Variants in INSYN2B observed in about 807,000 individuals in gnomAD.
INSYN2B encodes inhibitory synaptic factor family member 2B, also known as protein INSYN2B.
In INSYN2B, 16 loss-of-function variants were observed where a neutral mutation model predicts 41.2. The ratio of observed to expected loss-of-function variants is 0.39; its 90% CI spans 0.26 to 0.59. The LOEUF is 0.59. INSYN2B is among the 20% of genes least tolerant of loss of function. The probability of loss-of-function intolerance (pLI) is 0.57; values close to 1 mark genes in which losing one functional copy is unlikely to be tolerated. For missense variants in INSYN2B, 608 were observed against 646.4 expected, an observed-to-expected ratio of 0.94 and a Z score of 0.64; for synonymous variants, 245 against 244.4, an observed-to-expected ratio of 1.00 and a Z score of -0.02.
At chr5:169,874,032 C>T (rs1012585490) in intron 3 of INSYN2B, among the ~76,000 whole-genome samples, 4 of 152,074 alleles carry the variant, frequency 2.6e-5, no homozygotes, top group Non-Finnish European at 4.4e-5. Flanking sequence ...AAGGGAGGCT[C>T]TTGCAGAGAA....
chr5:169,972,714 A>G (rs1392638067), intron 1 of INSYN2B, among the ~76,000 whole-genome samples: 1 of 152,246 alleles, frequency 6.6e-6, no homozygotes, highest in African/African-American at 2.4e-5. Context: ...CTTACACACA[A>G]TAAGTGCTAA....
rs34833916 is a variant in INSYN2B at position 169,925,579 on chromosome 5, T to TAA, written c.-918-40765_-918-40764dup. Among the ~76,000 whole-genome samples the TAA allele has an allele frequency of 1.3e-3, 101 of 80,256 alleles. 3 individuals are homozygous for TAA. Among genetic ancestry groups the TAA allele is most frequent in the East Asian group, 4.7e-3 (14 of 2,960 alleles). The allele number at this position is 80,256 out of a possible 152,430, so 52.7% of individuals were successfully genotyped here. ...TGGGCGACAGAGCAAGACTCTGTCTTAAAAAAAAAAAAAAAAAAAAAAAAA... is the reference window on the plus strand; with the variant it reads ...TGGGCGACAGAGCAAGACTCTGTCTTAAAAAAAAAAAAAAAAAAAAAAAAAAA... On this transcript the variant is annotated intron_variant, in intron 1 of 3. Coordinates refer to ENST00000377365, the MANE Select transcript of INSYN2B (RefSeq NM_001129891.3).
intron 1 of INSYN2B, among the ~76,000 whole-genome samples, chr5:169,938,662 A>T (rs1295612101): frequency 6.6e-6 from 1 of 152,214 alleles, no homozygotes; most frequent in Non-Finnish European, 1.5e-5. Flanking sequence ...TAGGATGGTT[A>T]CTGTACACTA....
At chr5:169,911,606 C>T (rs926053068) in intron 1 of INSYN2B, among the ~76,000 whole-genome samples, 6 of 152,204 alleles carry the variant, frequency 3.9e-5, no homozygotes, top group East Asian at 1.9e-4. Flanking sequence ...CTTCATTTCA[C>T]GTGGTGCTAA....
intron 1 of INSYN2B, among the ~76,000 whole-genome samples, chr5:169,943,781 A>G (rs181627025): frequency 2.6e-4 from 39 of 152,292 alleles, no homozygotes; most frequent in Admixed American, 1.7e-3. Flanking sequence ...AGTTGACGGT[A>G]GGGTCCAGGG....
intron 3 of INSYN2B, among the ~76,000 whole-genome samples, chr5:169,871,060 C>G (rs1200410832): frequency 6.6e-6 from 1 of 152,140 alleles, no homozygotes; most frequent in Non-Finnish European, 1.5e-5. Flanking sequence ...GGAGAGGGAC[C>G]TCTCTGAGTT....
rs1221721633 is a variant in INSYN2B, at chr5:169,951,009, C to T, written c.-919+29268G>A. On this transcript the variant is annotated intron_variant, in intron 1 of 3. Coordinates refer to ENST00000377365, the MANE Select transcript of INSYN2B (RefSeq NM_001129891.3). ...ATGTAAACATTTAGATTTCCAGCTG[C>T]TCCGAAGTCAGATTAGCCAGCGTCA... 2.0e-5 allele frequency among the ~76,000 whole-genome samples: 3 copies of T among 152,192 alleles called. No individual in the cohort carries two copies. In the East Asian group the frequency reaches 5.8e-4, roughly 29 times the overall value.
intron 1 of INSYN2B, among the ~76,000 whole-genome samples, chr5:169,971,015 A>G (rs1250883181): frequency 6.6e-6 from 1 of 152,120 alleles, no homozygotes; most frequent in Non-Finnish European, 1.5e-5. Flanking sequence ...ACCTGCGTTC[A>G]TGCCAAGCTG....
chr5:169,949,333 G>C (rs1206150179), intron 1 of INSYN2B, among the ~76,000 whole-genome samples: 1 of 152,120 alleles, frequency 6.6e-6, no homozygotes, highest in African/African-American at 2.4e-5. Flanking sequence ...GTAAATAGAG[G>C]CACCTGGGAA....
At chr5:169,894,390 C>T (rs1225736872) in intron 1 of INSYN2B, among the ~76,000 whole-genome samples, 1 of 152,162 alleles carries the variant, frequency 6.6e-6, no homozygotes, top group African/African-American at 2.4e-5. Flanking sequence ...GAAGTACCCC[C>T]TTCTCCTGAC....
rs553454799 is a variant in INSYN2B at position 169,979,116 on chromosome 5, G to C, written c.-919+1161C>G. On this transcript the variant is annotated intron_variant, in intron 1 of 3. Coordinates refer to ENST00000377365, the MANE Select transcript of INSYN2B (RefSeq NM_001129891.3). Reference sequence around the variant, plus strand: ...TTTCTGCCCGGGATGAAAAGAGGGGGATTCTTGCTAGCCTGGAGACTGCAA... The same window carrying C: ...TTTCTGCCCGGGATGAAAAGAGGGGCATTCTTGCTAGCCTGGAGACTGCAA... Among the ~76,000 whole-genome samples, 7 of 152,288 alleles carry C rather than the reference G, an allele frequency of 4.6e-5. No individual in the cohort carries two copies. The East Asian group carries it at 1.4e-3, about 29-fold the overall frequency.
chr5:169,919,188 T>C (rs1270686278), intron 1 of INSYN2B, among the ~76,000 whole-genome samples: 3 of 152,232 alleles, frequency 2.0e-5, no homozygotes, highest in African/African-American at 7.2e-5. Context: ...GCTCAGTTCA[T>C]TGTTTTGAAT....
At chr5:169,946,751 C>T (rs1412116080) in intron 1 of INSYN2B, among the ~76,000 whole-genome samples, 1 of 152,208 alleles carries the variant, frequency 6.6e-6, no homozygotes, top group East Asian at 1.9e-4. Context: ...GATAGGCAAT[C>T]TGAAAGTCAC....
At chr5:169,970,615 T>C (rs1464944573) in intron 1 of INSYN2B, among the ~76,000 whole-genome samples, 1 of 152,196 alleles carries the variant, frequency 6.6e-6, no homozygotes, top group Non-Finnish European at 1.5e-5. Context: ...TGCAGGGTAG[T>C]TCCCAAGAAT....
chr5:169,971,784 G>A (rs1452133262), intron 1 of INSYN2B, among the ~76,000 whole-genome samples: 1 of 152,200 alleles, frequency 6.6e-6, no homozygotes, highest in East Asian at 1.9e-4. Flanking sequence ...GAGGATCAAA[G>A]CCCTTAGCTA....
chr5:169,865,404 C>T (rs1469520894), intron 3 of INSYN2B, among the ~76,000 whole-genome samples: 1 of 152,146 alleles, frequency 6.6e-6, no homozygotes, highest in East Asian at 1.9e-4. Flanking sequence ...GGAAGTCAGG[C>T]CAGCAGACCT....
chr5:169,920,152 C>T (rs1228397736), intron 1 of INSYN2B, among the ~76,000 whole-genome samples: 2 of 152,034 alleles, frequency 1.3e-5, no homozygotes, highest in Non-Finnish European at 2.9e-5. Context: ...AGGGTAACAC[C>T]GTAGAAGATA....
chr5:169,970,702 G>T (rs958599272), intron 1 of INSYN2B, among the ~76,000 whole-genome samples: 4 of 152,220 alleles, frequency 2.6e-5, no homozygotes, highest in African/African-American at 4.8e-5. Context: ...GGCCCTGCCA[G>T]GGTGAAATAA....
intron 1 of INSYN2B, among the ~76,000 whole-genome samples, chr5:169,946,148 G>A (rs1776439221): frequency 6.6e-6 from 1 of 152,200 alleles, no homozygotes; most frequent in Non-Finnish European, 1.5e-5. Context: ...TGATCTAACA[G>A]TCTCCCTGCC....
Sources: gnomAD v4.1 joint callset for allele counts (sites outside exome capture counted in the v4.1 genomes callset) on GRCh38, gnomAD v4.1.1 for gene constraint, MANE v1.5 for transcripts, NCBI Gene and HGNC (gene_info 2026-07-23, HGNC 2026-07-21) for gene names.